The following LOXL2 variants were observed in gnomAD, a reference collection of about 807,000 sequenced individuals.
The protein encoded by LOXL2 is lysyl oxidase homolog 2.
LOXL2 carries 70 observed loss-of-function variants against 93.0 expected under a neutral mutation model. That is an observed-to-expected ratio of 0.75 (90% CI 0.62 to 0.92). The LOEUF (loss-of-function observed/expected upper bound fraction) is 0.92. Ranked by LOEUF, LOXL2 falls within the 40% of genes least tolerant of loss-of-function variation. The pLI is 0.00. For missense variants in LOXL2, 973 were observed against 1,054.9 expected, an observed-to-expected ratio of 0.92 and a Z score of 1.08; for synonymous variants, 438 against 413.2, an observed-to-expected ratio of 1.06 and a Z score of -0.73.
chr8:23,324,729 G>A (rs889527942), intron 6 of LOXL2, among the ~76,000 whole-genome samples: 10 of 152,148 alleles, frequency 6.6e-5, no homozygotes, highest in South Asian at 2.1e-4. Context: ...TGGAAAAGCC[G>A]CGTCTAACAT....
chr8:23,381,786 C>T (rs1250630896), intron 1 of LOXL2, among the ~76,000 whole-genome samples: 1 of 152,214 alleles, frequency 6.6e-6, no homozygotes, highest in East Asian at 1.9e-4. Flanking sequence ...ATGGGGACGG[C>T]GAGGCCATGC....
chr8:23,304,119 A>C (rs1371588924), intron 10 of LOXL2, among the ~76,000 whole-genome samples: 1 of 152,224 alleles, frequency 6.6e-6, no homozygotes, highest in Non-Finnish European at 1.5e-5. Flanking sequence ...ACTCATCCTC[A>C]GGGGCACACA....
At chr8:23,327,672 CCT>C (rs1169007142) in intron 6 of LOXL2, among the ~76,000 whole-genome samples, 2 of 152,170 alleles carry the variant, frequency 1.3e-5, no homozygotes, top group Non-Finnish European at 2.9e-5. Context: ...AAAATCTCCC[CCT>C]GTTGAATGAC....
At chr8:23,371,941 G>GT (rs1392520254) in intron 1 of LOXL2, among the ~76,000 whole-genome samples, 2 of 151,858 alleles carry the variant, frequency 1.3e-5, no homozygotes, top group African/African-American at 4.8e-5. Context: ...AGGAATCATT[G>GT]TAAGAACCAT....
intron 1 of LOXL2, among the ~76,000 whole-genome samples, chr8:23,378,904 G>C (rs1340084205): frequency 6.6e-6 from 1 of 152,166 alleles, no homozygotes; most frequent in Non-Finnish European, 1.5e-5. Context: ...GCTTGGAGTA[G>C]TTTGATCGTC....
In LOXL2 at chr8:23,298,853, A is replaced by G; in HGVS notation, c.2228T>C (p.Met743Thr). ...RSRYDGHRIWMYNCHIGGSFS... is the reference protein window; with the variant it reads ...RSRYDGHRIWTYNCHIGGSFS... ...GGCCTTACCTATGTGGCAGTTGTAC[A>G]TCCAGATGCGGTGGCCGTCATAGCG... Residue 743 changes from methionine (M) to threonine (T), a missense_variant, in exon 13 of 14, where the codon ATG (methionine) becomes ACG (threonine). Transcript: ENST00000389131. The G allele has an allele frequency of 6.2e-7, 1 of 1,613,004 alleles. No homozygotes were observed.
At chr8:23,314,258 A>G (rs1803358889) in intron 9 of LOXL2, among the ~76,000 whole-genome samples, 3 of 146,078 alleles carry the variant, frequency 2.1e-5, no homozygotes, top group South Asian at 4.6e-4. Flanking sequence ...ATCTAGAACT[A>G]GAAATACCAT....
intron 8 of LOXL2, among the ~76,000 whole-genome samples, chr8:23,317,533 G>A (rs1010126308): frequency 1.3e-5 from 2 of 152,190 alleles, no homozygotes; most frequent in African/African-American, 4.8e-5. Flanking sequence ...CCAGGAAGAT[G>A]TTACTGGTTG....
chr8:23,374,388 T>C (rs2117219600), intron 1 of LOXL2, among the ~76,000 whole-genome samples: 1 of 152,292 alleles, frequency 6.6e-6, no homozygotes, highest in African/African-American at 2.4e-5. Context: ...TTTGCTATTG[T>C]GAATAGTGCC....
intron 2 of LOXL2, among the ~76,000 whole-genome samples, chr8:23,361,678 T>C (rs1170527006): frequency 2.0e-5 from 3 of 151,922 alleles, no homozygotes; most frequent in Non-Finnish European, 2.9e-5. Context: ...CCGTCTCTAC[T>C]AAAATACAAA....
chr8:23,368,329 T>A lies in LOXL2; in HGVS notation c.23A>T (p.His8Leu). MERPLCS[H>L]LCSCLAMLAL... ...CAGCATAGCCAGGCAGCTGCAGAGG[T>A]GGGAGCACAGAGGCCTCTCCATCCC... Residue 8 changes from histidine (H) to leucine (L), a missense_variant, in exon 2 of 14, where the codon CAC becomes CTC. Physicochemically the swap from His to Leu is moderately conservative, Grantham distance 99. Coordinates refer to ENST00000389131, the MANE Select transcript of LOXL2 (RefSeq NM_002318.3). 1 of 1,611,964 alleles carries A rather than the reference T, an allele frequency of 6.2e-7. No homozygotes were observed. The highest frequency in any genetic ancestry group is 8.5e-7 in the Non-Finnish European group (1 of 1,179,888).
At chr8:23,299,519 T>TCCAC (rs1347990647) in intron 12 of LOXL2, among the ~76,000 whole-genome samples, 1 of 152,018 alleles carries the variant, frequency 6.6e-6, no homozygotes, top group African/African-American at 2.4e-5. Flanking sequence ...TCCCCATCCT[T>TCCAC]CCACCCACCC....
rs753979228 is a variant in LOXL2 at position 23,322,157 on chromosome 8, G to A, written c.1275C>T (p.Asn425=). ...NHEEDAGVRC[N]TPAMGLQKKL... ...TCTTCTGCAAGCCCATGGCAGGGGT[G>A]TTGCATCTCACACCAGCATCCTCCT... is the stretch of plus-strand genomic sequence containing the variant. The change falls in exon 7 of 14, where the codon AAC becomes AAT. Residue 425 remains asparagine, a synonymous_variant. Coordinates refer to ENST00000389131, the MANE Select transcript of LOXL2 (RefSeq NM_002318.3). 1.2e-6 allele frequency: 2 copies of A among 1,614,200 alleles called. No individual in the cohort carries two copies. The highest frequency in any genetic ancestry group is 1.7e-6 in the Non-Finnish European group (2 of 1,180,024).
At chr8:23,299,572 A>G (rs760065748) in intron 12 of LOXL2, among the ~76,000 whole-genome samples, 3 of 152,150 alleles carry the variant, frequency 2.0e-5, no homozygotes, top group Non-Finnish European at 4.4e-5. Flanking sequence ...TAGGAAGGAC[A>G]TATTCTGGGA....
intron 1 of LOXL2, among the ~76,000 whole-genome samples, chr8:23,380,076 G>T (rs1302741980): frequency 6.6e-6 from 1 of 152,150 alleles, no homozygotes; most frequent in South Asian, 2.1e-4. Flanking sequence ...TGGCCATCTT[G>T]GAATTGCCCC....
chr8:23,333,394 T>A lies in LOXL2; in HGVS notation c.966+7A>T. ...CCAAGTGGCCACACCTCGTGCCCCG[T>A]CCTCACCTCTGGCTTGTACGCTTTC... On this transcript the variant is annotated splice_region_variant and intron_variant, in intron 5 of 13. Transcript: ENST00000389131. 2 of 1,613,576 alleles carry A rather than the reference T, an allele frequency of 1.2e-6. No homozygotes were observed. Among genetic ancestry groups the A allele is most frequent in the Non-Finnish European group, 1.7e-6 (2 of 1,179,892 alleles).
chr8:23,400,590 T>C (rs972543652), intron 1 of LOXL2, among the ~76,000 whole-genome samples: 1 of 152,164 alleles, frequency 6.6e-6, no homozygotes, highest in Non-Finnish European at 1.5e-5. Context: ...AAGTCATGCA[T>C]AAACTAAGGG....
At chr8:23,388,665 ACACACT>A (rs765155952) in intron 1 of LOXL2, among the ~76,000 whole-genome samples, 110 of 135,866 alleles carry the variant, frequency 8.1e-4, no homozygotes, top group African/African-American at 1.8e-3. Flanking sequence ...ACACACACAC[ACACACT>A]AGAAATGTAC....
intron 6 of LOXL2, among the ~76,000 whole-genome samples, chr8:23,327,887 C>T (rs762625662): frequency 1.3e-5 from 2 of 152,176 alleles, no homozygotes; most frequent in African/African-American, 2.4e-5. Flanking sequence ...TGAGGACATC[C>T]GGAGGGCGGC....
Sources: allele counts gnomAD v4.1 joint callset (sites outside exome capture counted in the v4.1 genomes callset), GRCh38; gene constraint gnomAD v4.1.1; transcripts MANE v1.5; gene names NCBI Gene and HGNC (gene_info 2026-07-23, HGNC 2026-07-21).